WNT10B: variants seen among roughly 807,000 people sequenced by gnomAD.
The protein encoded by WNT10B is Wnt family member 10B.
A neutral mutation model predicts 32.7 loss-of-function variants in WNT10B; 26 were observed. That is an observed-to-expected ratio of 0.79 (90% CI 0.58 to 1.10). The LOEUF is 1.10. WNT10B is among the 50% of genes least tolerant of loss of function. WNT10B has a pLI of 0.00. For synonymous variants in WNT10B, 204 were observed against 220.4 expected, an observed-to-expected ratio of 0.93 and a Z score of 0.66; for missense variants, 474 against 532.5, an observed-to-expected ratio of 0.89 and a Z score of 1.08.
At chr12:48,969,288 T>C in intron 3 of WNT10B, 1 of 381,042 alleles carries the variant, frequency 2.6e-6, no homozygotes, top group South Asian at 2.0e-5. Context: ...CTGATCCCCC[T>C]AACTCCAACC....
Position 48,966,150 on chromosome 12 carries a change from C to T in WNT10B, c.1115G>A (p.Cys372Tyr), listed in dbSNP as rs1184828028. ...CTTGCACTCATCACACAGCACATAGCAGCACCAGTGGAAGCGGCAATGGCA... is the reference window on the plus strand; with the variant it reads ...CTTGCACTCATCACACAGCACATAGTAGCACCAGTGGAAGCGGCAATGGCA... ...ERCHCRFHWC[C>Y]YVLCDECKVT... Residue 372 changes from cysteine (C) to tyrosine (Y), a missense_variant, in exon 5 of 5, where the codon TGC (cysteine) becomes TAC (tyrosine). By Grantham distance (194) the Cys-to-Tyr change is radical. Coordinates refer to ENST00000301061, the MANE Select transcript of WNT10B (RefSeq NM_003394.4). 6.2e-7 allele frequency: 1 copy of T among 1,613,728 alleles called. No homozygotes were observed. Among genetic ancestry groups the T allele is most frequent in the Non-Finnish European group, 8.5e-7 (1 of 1,180,020 alleles).
Position 48,970,634 on chromosome 12 carries a change from G to A in WNT10B, c.-40-65C>T, listed in dbSNP as rs1940837835. 3.0e-6 allele frequency: 4 copies of A among 1,333,826 alleles called. No homozygotes were observed. Among genetic ancestry groups the A allele is most frequent in the Non-Finnish European group, 4.2e-6 (4 of 955,986 alleles). The allele number at this position is 1,333,826 out of a possible 1,614,324, so 82.6% of individuals were successfully genotyped here. On this transcript the variant is annotated intron_variant, in intron 1 of 4. Transcript: ENST00000301061. The surrounding 1 kb of genome is among the most constrained non-coding windows in gnomAD (Gnocchi z 5.0). Reference sequence around the variant, plus strand: ...CGGCTCGCTTGGGGAACCAAGTGACGCCCTTCTTCGGGCTCCTAACCCACC... The same window carrying A: ...CGGCTCGCTTGGGGAACCAAGTGACACCCTTCTTCGGGCTCCTAACCCACC...
chr12:48,970,368 C>T lies in WNT10B; in HGVS notation c.75-17G>A, dbSNP rs1462121084. On this transcript the variant is annotated splice_polypyrimidine_tract_variant and intron_variant, in intron 2 of 4. Coordinates refer to ENST00000301061, the MANE Select transcript of WNT10B (RefSeq NM_003394.4). This position sits in a 1 kb window ranked among gnomAD's most constrained non-coding sequence, Gnocchi z 5.0. ...CTTAGAGCCCTGGGAACCAAGAAGGCGTCTGGGGTCTGCGGTCCAGACCCC... is the reference window on the plus strand; with the variant it reads ...CTTAGAGCCCTGGGAACCAAGAAGGTGTCTGGGGTCTGCGGTCCAGACCCC... 2.5e-6 allele frequency: 4 copies of T among 1,613,986 alleles called. No homozygotes were observed. In the African/African-American group the frequency reaches 4.0e-5, roughly 16 times the overall value.
intron 4 of WNT10B, 91 bp downstream of exon 4, chr12:48,967,855 T>C: frequency 6.6e-7 from 1 of 1,525,978 alleles, no homozygotes; most frequent in Non-Finnish European, 8.9e-7. Flanking sequence ...CAGTCACTCA[T>C]CACACTTTAT....
chr12:48,970,000 G>C (rs1295509337), intron 3 of WNT10B, 89 bp downstream of exon 3: 2 of 1,361,944 alleles, frequency 1.5e-6, no homozygotes, highest in African/African-American at 1.5e-5. Context: ...CCGGAGCCGC[G>C]AAACCATCCC....
rs1208634933 is a variant in WNT10B, at chr12:48,966,167, G to T, written c.1098C>A (p.Cys366Ter). 6.2e-7 allele frequency: 1 copy of T among 1,613,492 alleles called. No individual in the cohort carries two copies. ...LRQTRVERCH[C>*]RFHWCCYVLC... The stretch of plus-strand genomic sequence containing the variant: ...GCACATAGCAGCACCAGTGGAAGCG[G>T]CAATGGCAGCGCTCAACTCGTGTCT... Residue 366 changes from cysteine (C) to a stop codon, truncating the protein, a stop_gained, in exon 5 of 5, where the codon TGC becomes TGA. Transcript: ENST00000301061. LOFTEE classifies it high-confidence loss of function.
Position 48,966,447 on chromosome 12 carries a change from G to GC in WNT10B, c.817dup (p.Ala273GlyfsTer14), listed in dbSNP as rs1555177994. ...CCGGCCCAGCCGCTCCCTCAACGCC[G>GC]CCCCCACTGCCCGGAACTCTGGGGC... is the stretch of plus-strand genomic sequence containing the variant. On this transcript the variant is annotated frameshift_variant, in exon 5 of 5. Transcript: ENST00000301061. LOFTEE classifies it high-confidence loss of function. The GC allele has an allele frequency of 8.1e-6, 13 of 1,613,996 alleles. No individual in the cohort carries two copies. In the East Asian group the frequency reaches 1.8e-4, roughly 22 times the overall value.
chr12:48,970,829 C>T lies in WNT10B; in HGVS notation c.-40-260G>A, dbSNP rs938613406. On this transcript the variant is annotated intron_variant, in intron 1 of 4. Coordinates refer to ENST00000301061, the MANE Select transcript of WNT10B (RefSeq NM_003394.4). This position sits in a 1 kb window ranked among gnomAD's most constrained non-coding sequence, Gnocchi z 5.0. ...TGGAACCTTGCCCAATCAGACACAACGCCCGGCACACAGACACACACTCAC... is the reference window on the plus strand; with the variant it reads ...TGGAACCTTGCCCAATCAGACACAATGCCCGGCACACAGACACACACTCAC... 5.6e-6 allele frequency: 3 copies of T among 533,860 alleles called. No individual in the cohort carries two copies. Among genetic ancestry groups the T allele is most frequent in the African/African-American group, 3.8e-5 (2 of 52,662 alleles). 33.1% of individuals were successfully genotyped at this position (533,860 alleles called of 1,614,324 possible).
chr12:48,965,947 G>C lies in WNT10B; in HGVS notation c.*148C>G. 1.1e-6 allele frequency: 1 copy of C among 939,920 alleles called. No individual in the cohort carries two copies. The highest frequency in any genetic ancestry group is 1.6e-6 in the Non-Finnish European group (1 of 621,158). The allele number at this position is 939,920 out of a possible 1,614,324, so 58.2% of individuals were successfully genotyped here. On this transcript the variant is annotated 3_prime_UTR_variant, in exon 5 of 5. Transcript: ENST00000301061. ...AGGCTACACATCCCAGAGTCCACCT[G>C]ACCCCCACCACCCCTAAAGCTGTTT...
chr12:48,969,977 G>A, intron 3 of WNT10B, 112 bp downstream of exon 3: 1 of 1,285,572 alleles, frequency 7.8e-7, no homozygotes, highest in Non-Finnish European at 1.0e-6. Flanking sequence ...GGGAATTCCA[G>A]GAGAGGCCCC....
At chr12:48,969,992 G>C in intron 3 of WNT10B, 97 bp downstream of exon 3, 2 of 1,346,916 alleles carry the variant, frequency 1.5e-6, no homozygotes, top group East Asian at 2.9e-5. Context: ...GGCCCCTCCC[G>C]GAGCCGCGAA....
At chr12:48,968,720 T>G (rs1940789893) in intron 3 of WNT10B, among the ~76,000 whole-genome samples, 2 of 151,964 alleles carry the variant, frequency 1.3e-5, no homozygotes, top group South Asian at 4.2e-4. Context: ...GCCTTAGAAA[T>G]TCCCCCAACC....
intron 4 of WNT10B, among the ~76,000 whole-genome samples, chr12:48,967,229 G>A (rs182719186): frequency 1.4e-5 from 2 of 142,548 alleles, no homozygotes; most frequent in East Asian, 2.1e-4. Context: ...GCAGTGGCAC[G>A]ATCTAGGCTC....
rs576014059 is a variant in WNT10B at position 48,970,390 on chromosome 12, C to T, written c.75-39G>A. 1.2e-6 allele frequency: 2 copies of T among 1,614,076 alleles called. No individual in the cohort carries two copies. The highest frequency in any genetic ancestry group is 2.2e-5 in the East Asian group (1 of 44,864). ...AGGCGTCTGGGGTCTGCGGTCCAGA[C>T]CCCTCCAACTCTCCCCACCCCGGGT... is the stretch of plus-strand genomic sequence containing the variant. On this transcript the variant is annotated intron_variant, in intron 2 of 4. Transcript: ENST00000301061. This position sits in a 1 kb window ranked among gnomAD's most constrained non-coding sequence, Gnocchi z 5.0.
Position 48,970,561 on chromosome 12 carries a change from G to A in WNT10B, c.-32C>T, listed in dbSNP as rs540465626. ...GCCCGGAGGCTCCGGTGGGCAGATC[G>A]ATCAGGACCTGCGGGACGGGAGACT... On this transcript the variant is annotated 5_prime_UTR_variant, in exon 2 of 5. Coordinates refer to ENST00000301061, the MANE Select transcript of WNT10B (RefSeq NM_003394.4). This position sits in a 1 kb window ranked among gnomAD's most constrained non-coding sequence, Gnocchi z 5.0. The A allele has an allele frequency of 9.6e-6, 15 of 1,558,980 alleles. No individual in the cohort carries two copies. In the East Asian group the frequency reaches 3.5e-4, roughly 37 times the overall value.
Position 48,968,042 on chromosome 12 carries a change from A to G in WNT10B, c.615T>C (p.Phe205=). ...EWGGCNHDMD[F]GEKFSRDFLD... The stretch of plus-strand genomic sequence containing the variant: ...AGAAATCCCGAGAGAACTTCTCTCC[A>G]AAGTCCATGTCATGGTTACAGCCAC... Residue 205 remains phenylalanine (F), a synonymous_variant, in exon 4 of 5, where the codon TTT becomes TTC. Coordinates refer to ENST00000301061, the MANE Select transcript of WNT10B (RefSeq NM_003394.4). The G allele has an allele frequency of 6.2e-7, 1 of 1,614,276 alleles. No individual in the cohort carries two copies.
At chr12:48,967,615 T>C (rs902309665) in intron 4 of WNT10B, among the ~76,000 whole-genome samples, 2 of 152,096 alleles carry the variant, frequency 1.3e-5, no homozygotes, top group African/African-American at 2.4e-5. Context: ...TGTTTTTATA[T>C]GTATAATTTT....
At position 48,970,086 on chromosome 12, in the gene WNT10B, C is replaced by T. The variant is rs757993718; in HGVS notation, c.337+3G>A. The T allele has an allele frequency of 5.9e-6, 9 of 1,516,312 alleles. No homozygotes were observed. The highest frequency in any genetic ancestry group is 1.2e-5 in the South Asian group (1 of 83,018). 93.9% of individuals were successfully genotyped at this position (1,516,312 alleles called of 1,614,324 possible). Reference sequence around the variant, plus strand: ...CAGCGCCGACCCGCCCAGCCAGGCTCACCGCGCTTGAGGATGGCGCTGTGG... The same window carrying T: ...CAGCGCCGACCCGCCCAGCCAGGCTTACCGCGCTTGAGGATGGCGCTGTGG... On this transcript the variant is annotated splice_donor_region_variant and intron_variant, in intron 3 of 4. Coordinates refer to ENST00000301061, the MANE Select transcript of WNT10B (RefSeq NM_003394.4). This position sits in a 1 kb window ranked among gnomAD's most constrained non-coding sequence, Gnocchi z 5.0.
chr12:48,970,670 T>C lies in WNT10B; in HGVS notation c.-40-101A>G, dbSNP rs1305498500. The C allele has an allele frequency of 4.9e-6, 4 of 814,886 alleles. No individual in the cohort carries two copies. Among genetic ancestry groups the C allele is most frequent in the Non-Finnish European group, 7.9e-6 (4 of 506,050 alleles). 50.5% of individuals were successfully genotyped at this position (814,886 alleles called of 1,614,324 possible). On this transcript the variant is annotated intron_variant, in intron 1 of 4. Transcript: ENST00000301061. This position sits in a 1 kb window ranked among gnomAD's most constrained non-coding sequence, Gnocchi z 5.0. ...GGCTCCTAACCCACCGGTGCCACCC[T>C]ACTGACCCTTCTCATTCCTCCTCAA...
Sources: allele counts gnomAD v4.1 joint callset (sites outside exome capture counted in the v4.1 genomes callset), GRCh38; gene constraint gnomAD v4.1.1; non-coding constraint Gnocchi (gnomAD v3.1); transcripts MANE v1.5; gene names NCBI Gene and HGNC (gene_info 2026-07-23, HGNC 2026-07-21).